Variants in PGAP6 observed in about 807,000 individuals in gnomAD.
The protein encoded by PGAP6 is post-GPI attachment to proteins 6, also known as post-GPI attachment to proteins factor 6.
A neutral mutation model predicts 68.4 loss-of-function variants in PGAP6; 62 were observed. The ratio of observed to expected loss-of-function variants is 0.91; its 90% confidence interval spans 0.74 to 1.12. The LOEUF (loss-of-function observed/expected upper bound fraction) is 1.12, where lower values mean the gene tolerates loss of function less well. Among genes scored for constraint, PGAP6 ranks in the 50% most tolerant of loss-of-function variants. The pLI is 0.00. For missense variants in PGAP6, 1,188 were observed against 1,068.5 expected (o/e 1.11, Z -1.56); for synonymous variants, 575 against 474.0 (o/e 1.21, Z -2.77).
Position 377,655 on chromosome 16 carries a change from G to A in PGAP6, c.299+16C>T. On this transcript the variant is annotated intron_variant, in intron 2 of 12. Transcript: ENST00000431232. ...CAGGCGCGGGAGGGTGGGCAGGCGG[G>A]CGGGCAGCCACCTACACGGTGATCT... The A allele has an allele frequency of 6.4e-7, 1 of 1,573,634 alleles. No homozygotes were observed.
At chr16:382,954 G>T (rs908326930), upstream of PGAP6, among the ~76,000 whole-genome samples, 1 of 148,662 alleles carries the variant, frequency 6.7e-6, no homozygotes, top group Non-Finnish European at 1.5e-5. Context: ...CCAGGGATAC[G>T]CTGATCCTCC....
intron 4 of PGAP6, 71 bp downstream of exon 4, chr16:376,966 C>A: frequency 6.3e-7 from 1 of 1,591,374 alleles, no homozygotes; most frequent in Non-Finnish European, 8.5e-7. Context: ...GCCAGGCTCT[C>A]GCACCCACTC....
chr16:375,027 C>A, intron 8 of PGAP6, 106 bp downstream of exon 8: 1 of 1,572,680 alleles, frequency 6.4e-7, no homozygotes, highest in Non-Finnish European at 8.6e-7. Flanking sequence ...GAGGAAGCAC[C>A]CCTCTAGCTG....
intron 1 of PGAP6, 116 bp downstream of exon 1, chr16:381,584 AC>A: frequency 1.3e-6 from 1 of 796,292 alleles, no homozygotes; most frequent in Non-Finnish European, 1.6e-6. Context: ...CGCGGCGGGG[AC>A]CCCCAACCCC....
chr16:373,761 TCC>T (rs2054354063), intron 11 of PGAP6, among the ~76,000 whole-genome samples: 1 of 152,192 alleles, frequency 6.6e-6, no homozygotes, highest in African/African-American at 2.4e-5. Context: ...CCTCATGGGA[TCC>T]TCCTGCAAGT....
intron 12 of PGAP6, 54 bp from the exon 13 acceptor site, chr16:372,337 C>G (rs2054342456): frequency 6.5e-7 from 1 of 1,542,402 alleles, no homozygotes; most frequent in Non-Finnish European, 8.7e-7. Flanking sequence ...GGCTGCAGCT[C>G]CCAGGGCCCA....
At position 376,280 on chromosome 16, in the gene PGAP6, G is replaced by C. The variant is rs761856839; in HGVS notation, c.1080C>G (p.Asp360Glu). The change falls in exon 6 of 13, where the codon GAC (aspartate) becomes GAG (glutamate). Residue 360 changes from aspartate to glutamate, a missense_variant. By Grantham distance (45) the Asp-to-Glu change is conservative. Transcript: ENST00000431232. ...GGAAGTGCACCGACACCACGTCCATGTCCTCCCGCGTGACTGGGTAGTTTG... is the reference window on the plus strand; with the variant it reads ...GGAAGTGCACCGACACCACGTCCATCTCCTCCCGCGTGACTGGGTAGTTTG... ...CLTNYPVTREDMDVVSVHFQP... is the reference protein window; with the variant it reads ...CLTNYPVTREEMDVVSVHFQP... 21 of 1,612,702 alleles carry C rather than the reference G, an allele frequency of 1.3e-5. No homozygotes were observed. The South Asian group carries it at 2.2e-4, about 17-fold the overall frequency.
chr16:386,614 T>C, upstream of PGAP6: 1 of 336,416 alleles, frequency 3.0e-6, no homozygotes, highest in South Asian at 2.4e-5. Context: ...CCCAGAGTTT[T>C]GGGGCTTTTT....
chr16:370,918 T>G lies in PGAP6; in HGVS notation c.*1069A>C, dbSNP rs1351792311. On this transcript the variant is annotated 3_prime_UTR_variant, in exon 13 of 13. Coordinates refer to ENST00000431232, the MANE Select transcript of PGAP6 (RefSeq NM_021259.3). ...AAACCCCATATATATATGTTTCTCC[T>G]TTATAAGCTTAGAGATTGCTTTGGT... is the stretch of plus-strand genomic sequence containing the variant. 6.6e-6 allele frequency: 1 copy of G among 152,312 alleles called. No individual in the cohort carries two copies. The highest frequency in any genetic ancestry group is 1.5e-5 in the Non-Finnish European group (1 of 68,104). 9.4% of individuals were successfully genotyped at this position (152,312 alleles called of 1,614,324 possible).
upstream of PGAP6, chr16:382,443 C>G: frequency 2.7e-6 from 1 of 375,472 alleles, no homozygotes; most frequent in East Asian, 3.8e-5. Flanking sequence ...CACGGGGACC[C>G]CCGGGCCGGC....
At position 377,426 on chromosome 16, in the gene PGAP6, C is replaced by G; in HGVS notation, c.459G>C (p.Trp153Cys). Residue 153 changes from tryptophan to cysteine, a missense_variant, in exon 3 of 13, where the codon TGG becomes TGC. Trp to Cys is a radical substitution (Grantham distance 215). Transcript: ENST00000431232. Reference sequence around the variant, plus strand: ...AGGGGGGCAGGTGGGCGGCCACGAACCAGTCCCCGGGGGCCGGGTGGGAAA... The same window carrying G: ...AGGGGGGCAGGTGGGCGGCCACGAAGCAGTCCCCGGGGGCCGGGTGGGAAA... ...VNVSHPAPGD[W>C]FVAAHLPPSS... 1 of 1,609,938 alleles carries G rather than the reference C, an allele frequency of 6.2e-7. No individual in the cohort carries two copies. Among genetic ancestry groups the G allele is most frequent in the Non-Finnish European group, 8.5e-7 (1 of 1,178,404 alleles).
Position 375,420 on chromosome 16 carries a change from C to T in PGAP6, c.1240G>A (p.Glu414Lys), listed in dbSNP as rs2054373834. 1.9e-6 allele frequency: 3 copies of T among 1,612,430 alleles called. No homozygotes were observed. Among genetic ancestry groups the T allele is most frequent in the South Asian group, 2.2e-5 (2 of 91,060 alleles). ...LRANKTEMRN[E>K]TVVVACVNAA... is the part of the protein sequence containing the mutation. ...TTCACGCAGGCCACTACGACGGTCT[C>T]GTTCCGCATCTCTGTCTGGAAAGGG... is the stretch of plus-strand genomic sequence containing the variant. The change falls in exon 7 of 13, where the codon GAG (glutamate) becomes AAG (lysine). Residue 414 changes from glutamate to lysine, a missense_variant. By Grantham distance (56) the Glu-to-Lys change is moderately conservative (BLOSUM62 1). Coordinates refer to ENST00000431232, the MANE Select transcript of PGAP6 (RefSeq NM_021259.3).
At position 376,458 on chromosome 16, in the gene PGAP6, GC is replaced by G; in HGVS notation, c.905-4del. On this transcript the variant is annotated splice_polypyrimidine_tract_variant and splice_region_variant and intron_variant, in intron 5 of 12. Transcript: ENST00000431232. ...GGTCACGCTCCGTGGCCTGCAAGCT[GC>G]CGAGAGGACAAGGGGTTTGGCTGGA... 1 of 1,558,840 alleles carries G rather than the reference GC, an allele frequency of 6.4e-7. No homozygotes were observed. The highest frequency in any genetic ancestry group is 2.3e-5 in the East Asian group (1 of 44,382).
Position 376,817 on chromosome 16 carries a change from A to C in PGAP6, c.636-5T>G, listed in dbSNP as rs1187340429. The C allele has an allele frequency of 6.2e-7, 1 of 1,603,320 alleles. No individual in the cohort carries two copies. The highest frequency in any genetic ancestry group is 1.3e-5 in the African/African-American group (1 of 74,892). ...GTGTAATCGGGGACAAAGACCCTGC[A>C]GCGAGGGGACACAGCTGGCTCAGGC... On this transcript the variant is annotated splice_region_variant and splice_polypyrimidine_tract_variant and intron_variant, in intron 4 of 12. Coordinates refer to ENST00000431232, the MANE Select transcript of PGAP6 (RefSeq NM_021259.3).
Position 377,675 on chromosome 16 carries a change from T to C in PGAP6, c.295A>G (p.Thr99Ala). ...SGAACTDAEI[T>A]VHFRSGAPPV... is the part of the protein sequence containing the mutation. ...GGCGGGCGGGCAGCCACCTACACGG[T>C]GATCTCCGCGTCGGTGCAGGCAGCG... Residue 99 changes from threonine to alanine, a missense_variant, in exon 2 of 13, where the codon ACC (threonine) becomes GCC (alanine). Physicochemically the swap from Thr to Ala is moderately conservative, Grantham distance 58 (BLOSUM62 0). Coordinates refer to ENST00000431232, the MANE Select transcript of PGAP6 (RefSeq NM_021259.3). The C allele has an allele frequency of 6.3e-7, 1 of 1,581,646 alleles. No individual in the cohort carries two copies. Among genetic ancestry groups the C allele is most frequent in the Non-Finnish European group, 8.6e-7 (1 of 1,165,002 alleles).
intron 1 of PGAP6, among the ~76,000 whole-genome samples, chr16:378,238 A>C (rs2054405820): frequency 6.9e-6 from 1 of 144,100 alleles, no homozygotes; most frequent in Admixed American, 6.8e-5. Context: ...TGCCATCGCC[A>C]CCCGCACTGC....
intron 1 of PGAP6, among the ~76,000 whole-genome samples, chr16:378,333 C>CACTGCCATCGCCACCCTG (rs2054408284): frequency 9.2e-5 from 7 of 75,712 alleles, no homozygotes; most frequent in East Asian, 3.6e-4. Context: ...TCGCCACCCG[C>CACTGCCATCGCCACCCTG]ACTGCCATCG....
chr16:382,144 C>A (rs1298567228), upstream of PGAP6: 6 of 374,176 alleles, frequency 1.6e-5, no homozygotes, highest in African/African-American at 1.2e-4. Flanking sequence ...CGCGCGCGGT[C>A]CGGGGGGACG....
At position 374,415 on chromosome 16, in the gene PGAP6, C is replaced by G; in HGVS notation, c.1577-16G>C. ...CCACGCCAGCCTGCGGTCACAAAAC[C>G]CCGACGCGGAGGCTGGGGGCACTGC... On this transcript the variant is annotated splice_polypyrimidine_tract_variant and intron_variant, in intron 9 of 12. Transcript: ENST00000431232. 4 of 1,551,184 alleles carry G rather than the reference C, an allele frequency of 2.6e-6. No individual in the cohort carries two copies. Among genetic ancestry groups the G allele is most frequent in the Non-Finnish European group, 3.5e-6 (4 of 1,153,262 alleles).
Sources: allele counts gnomAD v4.1 joint callset (sites outside exome capture counted in the v4.1 genomes callset), GRCh38; gene constraint gnomAD v4.1.1; transcripts MANE v1.5; gene names NCBI Gene and HGNC (gene_info 2026-07-23, HGNC 2026-07-21).